Variants in SIDT1 observed in about 807,000 individuals in gnomAD.
The protein encoded by SIDT1 is SID1 transmembrane family, member 1.
Under a neutral mutation model 107.5 loss-of-function variants are expected in SIDT1, and 101 were observed. That is an observed-to-expected ratio of 0.94 (90% CI 0.80 to 1.11). The LOEUF (loss-of-function observed/expected upper bound fraction) is 1.11. Ranked by LOEUF, SIDT1 falls within the 50% of genes least tolerant of loss-of-function variation. The probability of loss-of-function intolerance (pLI) is 0.00; values close to 1 mark genes in which losing one functional copy is unlikely to be tolerated. For missense variants in SIDT1, 1,076 were observed against 1,058.2 expected (o/e 1.02, Z -0.23); for synonymous variants, 395 against 398.2 (o/e 0.99, Z 0.10).
chr3:113,551,660 G>A (rs771715388), intron 1 of SIDT1, among the ~76,000 whole-genome samples: 2 of 151,982 alleles, frequency 1.3e-5, no homozygotes, highest in Admixed American at 6.6e-5. Context: ...TTCCCCCAAC[G>A]AATTGTCCAG....
chr3:113,636,473 TG>T, the SIDT1 span, among the ~76,000 whole-genome samples: 3 of 151,662 alleles, frequency 2.0e-5, no homozygotes, highest in Non-Finnish European at 4.4e-5. Flanking sequence ...AAAAAAAAGG[TG>T]GGGGGGATAT....
chr3:113,630,183 G>A (rs1370342632), downstream of SIDT1, among the ~76,000 whole-genome samples: 1 of 152,220 alleles, frequency 6.6e-6, no homozygotes, highest in Non-Finnish European at 1.5e-5. Context: ...CAGTCACTGT[G>A]AAGAGGCTCT....
rs376656993 is a variant in SIDT1, at chr3:113,578,204, G to A, written c.561+1237G>A. Among the ~76,000 whole-genome samples the A allele has an allele frequency of 3.3e-5, 5 of 152,316 alleles. No individual in the cohort carries two copies. The South Asian group carries it at 6.2e-4, about 19-fold the overall frequency. ...GAATAGGCCGGGCGCGATGGCTCAC[G>A]CCTATAATCCCAGCACTTTGGGAGG... On this transcript the variant is annotated intron_variant, in intron 4 of 24. Coordinates refer to ENST00000264852, the MANE Select transcript of SIDT1 (RefSeq NM_017699.3).
Position 113,616,143 on chromosome 3 carries a change from CTG to C in SIDT1, c.2012_2013del (p.Cys671TyrfsTer5). 6.2e-7 allele frequency: 1 copy of C among 1,613,874 alleles called. No individual in the cohort carries two copies. Among genetic ancestry groups the C allele is most frequent in the Non-Finnish European group, 8.5e-7 (1 of 1,179,736 alleles). On this transcript the variant is annotated frameshift_variant, in exon 20 of 25. Transcript: ENST00000264852. LOFTEE classifies it high-confidence loss of function. Reference sequence around the variant, plus strand: ...GGGCTGCCATGGTGTTCTACACAGACTGTATCCAGCAGTGTAGCCGACCTCTA... The same window carrying C: ...GGGCTGCCATGGTGTTCTACACAGACTATCCAGCAGTGTAGCCGACCTCTA... ...RRAAMVFYTDCIQQCSRPLYM... is the reference protein window; with the variant it reads ...RRAAMVFYTDXIQQCSRPLYM...
chr3:113,578,326 G>T (rs1284136228), intron 4 of SIDT1, among the ~76,000 whole-genome samples: 1 of 151,994 alleles, frequency 6.6e-6, no homozygotes, highest in Non-Finnish European at 1.5e-5. Context: ...AATTACCCGG[G>T]CATGGTGGCG....
intron 10 of SIDT1, among the ~76,000 whole-genome samples, chr3:113,594,172 G>T (rs1451535666): frequency 2.0e-5 from 3 of 152,106 alleles, no homozygotes; most frequent in Admixed American, 6.5e-5. Flanking sequence ...TGCTCCCTTT[G>T]CTGGAGAGTT....
intron 1 of SIDT1, among the ~76,000 whole-genome samples, chr3:113,551,789 T>C (rs1940266308): frequency 2.0e-5 from 3 of 151,010 alleles, no homozygotes; most frequent in African/African-American, 7.4e-5. Flanking sequence ...GGTCTTACTC[T>C]GACTCCCTGT....
intron 1 of SIDT1, among the ~76,000 whole-genome samples, chr3:113,544,190 TG>T (rs1372935267): frequency 5.3e-5 from 8 of 151,460 alleles, no homozygotes; most frequent in African/African-American, 1.9e-4. Flanking sequence ...TTTGTTTGTT[TG>T]TTTGTTTGTT....
chr3:113,576,790 C>G, intron 3 of SIDT1, 132 bp from the exon 4 acceptor site: 1 of 903,654 alleles, frequency 1.1e-6, no homozygotes, highest in Non-Finnish European at 1.8e-6. Flanking sequence ...AACCGGAACT[C>G]CCCTCACCAA....
the SIDT1 span, among the ~76,000 whole-genome samples, chr3:113,635,957 C>T: frequency 1.3e-5 from 2 of 151,720 alleles, no homozygotes; most frequent in Admixed American, 6.6e-5. Context: ...CATATTTCCT[C>T]ATTTAGGGTA....
At chr3:113,625,434 C>T (rs1000975555) in intron 23 of SIDT1, among the ~76,000 whole-genome samples, 4 of 152,144 alleles carry the variant, frequency 2.6e-5, no homozygotes, top group African/African-American at 7.2e-5. Context: ...CCACCACACC[C>T]GGCCATAGCT....
At position 113,567,427 on chromosome 3, in the gene SIDT1, A is replaced by T. The variant is rs1274391178; in HGVS notation, c.345-113A>T. 6.2e-6 allele frequency: 5 copies of T among 800,386 alleles called. No individual in the cohort carries two copies. The African/African-American group carries it at 8.7e-5, about 14-fold the overall frequency. The allele number at this position is 800,386 out of a possible 1,614,324, so 49.6% of individuals were successfully genotyped here. On this transcript the variant is annotated intron_variant, in intron 2 of 24. Coordinates refer to ENST00000264852, the MANE Select transcript of SIDT1 (RefSeq NM_017699.3). ...CCAGTCTAAAATTCAAAACATAAGG[A>T]CCTGAAAATGAATTTGGAGAGAAGC...
chr3:113,636,572 A>G, the SIDT1 span, among the ~76,000 whole-genome samples: 1 of 152,180 alleles, frequency 6.6e-6, no homozygotes, highest in East Asian at 1.9e-4. Context: ...TTTCCAAACC[A>G]CAGATCTGAA....
At chr3:113,595,038 C>T (rs1560093421) in intron 10 of SIDT1, 1 of 154,150 alleles carries the variant, frequency 6.5e-6, no homozygotes, top group African/African-American at 2.4e-5. Context: ...GAATCATACA[C>T]TTATTGTTAA....
intron 1 of SIDT1, among the ~76,000 whole-genome samples, chr3:113,557,383 T>C (rs770642620): frequency 1.3e-5 from 2 of 152,214 alleles, no homozygotes; most frequent in Non-Finnish European, 2.9e-5. Context: ...AATGTGACCT[T>C]ACTTGGAAGT....
chr3:113,598,751 G>C (rs750514954), intron 10 of SIDT1, among the ~76,000 whole-genome samples: 20 of 152,090 alleles, frequency 1.3e-4, no homozygotes, highest in Admixed American at 7.2e-4. Flanking sequence ...TGTGATTTTA[G>C]TGTCATTCTT....
chr3:113,626,295 T>A, intron 24 of SIDT1, 80 bp downstream of exon 24: 2 of 888,950 alleles, frequency 2.2e-6, no homozygotes, highest in Non-Finnish European at 3.6e-6. Context: ...CTTCCTTACT[T>A]TTTTTTATAT....
chr3:113,627,604 T>G lies in SIDT1; in HGVS notation c.2422-42T>G, dbSNP rs544179927. On this transcript the variant is annotated intron_variant, in intron 24 of 24. Transcript: ENST00000264852. Reference sequence around the variant, plus strand: ...GAGAAAACAGGACTTAGTGTGACAGTGACTGTCCATTCCTTTCATTTCTCT... The same window carrying G: ...GAGAAAACAGGACTTAGTGTGACAGGGACTGTCCATTCCTTTCATTTCTCT... 668 of 1,588,088 alleles carry G rather than the reference T, an allele frequency of 4.2e-4. 9 individuals carry two copies. In the South Asian group the frequency reaches 6.9e-3, roughly 16 times the overall value.
chr3:113,578,656 T>C (rs1000887536), intron 4 of SIDT1, among the ~76,000 whole-genome samples: 1 of 152,024 alleles, frequency 6.6e-6, no homozygotes, highest in Non-Finnish European at 1.5e-5. Context: ...AAGACCAGCC[T>C]GGGCAACATA....
Sources: allele counts gnomAD v4.1 joint callset (sites outside exome capture counted in the v4.1 genomes callset), GRCh38; gene constraint gnomAD v4.1.1; transcripts MANE v1.5; gene names NCBI Gene and HGNC (gene_info 2026-07-23, HGNC 2026-07-21).